The following DLG2 variants were observed in gnomAD, a reference collection of about 807,000 sequenced individuals.
DLG2 encodes the protein discs large MAGUK scaffold protein 2, also known as disks large homolog 2.
Under a neutral mutation model 132.5 loss-of-function variants are expected in DLG2, and 45 were observed. That is an observed-to-expected ratio of 0.34 (90% CI 0.27 to 0.44). DLG2 has a LOEUF of 0.44. Ranked by LOEUF, DLG2 falls within the 20% of genes least tolerant of loss-of-function variation. DLG2 has a pLI of 1.00. For synonymous variants in DLG2, 424 were observed against 419.6 expected (o/e 1.01, Z -0.13); for missense variants, 1,045 against 1,196.9 (o/e 0.87, Z 1.87).
intron 3 of DLG2, among the ~76,000 whole-genome samples, chr11:85,479,432 A>G (rs1191628165): frequency 6.6e-6 from 1 of 152,252 alleles, no homozygotes; most frequent in Non-Finnish European, 1.5e-5. Flanking sequence ...AGGCCTCCAA[A>G]TACCGTCATA....
At chr11:84,652,814 A>G (rs1389703162) in intron 6 of DLG2, among the ~76,000 whole-genome samples, 1 of 152,206 alleles carries the variant, frequency 6.6e-6, no homozygotes, top group East Asian at 1.9e-4. Flanking sequence ...TACCCAATGC[A>G]CAGAGTTAGC....
At chr11:85,610,049 A>T (rs1424855927) in intron 2 of DLG2, among the ~76,000 whole-genome samples, 2 of 152,188 alleles carry the variant, frequency 1.3e-5, no homozygotes, top group Non-Finnish European at 2.9e-5. Flanking sequence ...CCCCTACTTG[A>T]GAAGGGAATC....
At chr11:83,923,855 TG>T (rs1361298863) in intron 15 of DLG2, among the ~76,000 whole-genome samples, 1 of 152,084 alleles carries the variant, frequency 6.6e-6, no homozygotes, top group Non-Finnish European at 1.5e-5. Context: ...CAAAGCAGCT[TG>T]TGTCTTTGCT....
At chr11:84,454,212 G>A (rs913054526) in intron 7 of DLG2, among the ~76,000 whole-genome samples, 4 of 151,390 alleles carry the variant, frequency 2.6e-5, no homozygotes, top group Non-Finnish European at 5.9e-5. Flanking sequence ...AATCTCCAGA[G>A]GAAGATGATA....
chr11:83,601,823 G>A (rs750482598), intron 19 of DLG2, among the ~76,000 whole-genome samples: 5 of 151,942 alleles, frequency 3.3e-5, no homozygotes, highest in African/African-American at 7.2e-5. Context: ...GGGCTCAGCC[G>A]TCAATGAAGT....
chr11:84,128,009 A>T (rs538188126), intron 9 of DLG2, among the ~76,000 whole-genome samples: 14 of 152,288 alleles, frequency 9.2e-5, no homozygotes, highest in African/African-American at 3.1e-4. Context: ...TTGCTTATTT[A>T]TATTATAGAT....
At chr11:85,004,808 T>G (rs1319262086) in intron 6 of DLG2, among the ~76,000 whole-genome samples, 1 of 152,242 alleles carries the variant, frequency 6.6e-6, no homozygotes, top group Non-Finnish European at 1.5e-5. Flanking sequence ...CCCATGCCTA[T>G]GTCCTGAATG....
At chr11:85,304,311 C>A (rs895001042) in intron 3 of DLG2, among the ~76,000 whole-genome samples, 1 of 152,004 alleles carries the variant, frequency 6.6e-6, no homozygotes, top group Non-Finnish European at 1.5e-5. Context: ...TTGCAAGGAG[C>A]CTGCAGTTTC....
intron 16 of DLG2, among the ~76,000 whole-genome samples, chr11:83,860,296 T>C (rs989304780): frequency 6.6e-6 from 1 of 152,058 alleles, no homozygotes; most frequent in Admixed American, 6.5e-5. Flanking sequence ...TACCAGCCCA[T>C]GAAAGCAGCT....
intron 3 of DLG2, among the ~76,000 whole-genome samples, chr11:85,443,278 C>T (rs533562878): frequency 6.0e-4 from 91 of 152,274 alleles, no homozygotes; most frequent in Non-Finnish European, 1.1e-3. Context: ...TGTTCATTCA[C>T]AATTTATCAC....
chr11:84,694,951 T>C (rs1056258506), intron 6 of DLG2, among the ~76,000 whole-genome samples: 5 of 151,608 alleles, frequency 3.3e-5, no homozygotes, highest in South Asian at 2.1e-4. Context: ...ACAGTTAACA[T>C]GTAAAAAGTG....
chr11:85,178,764 C>T (rs1383125006), intron 4 of DLG2, among the ~76,000 whole-genome samples: 2 of 151,766 alleles, frequency 1.3e-5, no homozygotes, highest in Admixed American at 1.3e-4. Context: ...ATAGACTAAA[C>T]ATATGCAGAA....
intron 7 of DLG2, among the ~76,000 whole-genome samples, chr11:84,456,186 T>G (rs2099064900): frequency 6.6e-6 from 1 of 151,260 alleles, no homozygotes; most frequent in African/African-American, 2.4e-5. Context: ...AAATTTTTAA[T>G]AAATGTATTT....
intron 6 of DLG2, among the ~76,000 whole-genome samples, chr11:84,700,723 GC>G (rs2059131892): frequency 6.6e-6 from 1 of 151,562 alleles, no homozygotes; most frequent in South Asian, 2.1e-4. Flanking sequence ...TGGATTTCAA[GC>G]TTGGTCTGTC....
chr11:85,370,017 A>T (rs1260896828), intron 3 of DLG2, among the ~76,000 whole-genome samples: 1 of 152,260 alleles, frequency 6.6e-6, no homozygotes, highest in Non-Finnish European at 1.5e-5. Context: ...TGCAGGTCAG[A>T]TGCAAGGTTT....
chr11:84,917,426 A>C (rs1391482502), intron 6 of DLG2, among the ~76,000 whole-genome samples: 1 of 152,246 alleles, frequency 6.6e-6, no homozygotes, highest in Admixed American at 6.5e-5. Context: ...CTATTTAGGT[A>C]GATTGCTAAA....
chr11:83,688,520 C>A (rs2080242048), intron 18 of DLG2, among the ~76,000 whole-genome samples: 1 of 152,086 alleles, frequency 6.6e-6, no homozygotes, highest in Non-Finnish European at 1.5e-5. Flanking sequence ...GATGGACCAG[C>A]CTGGAGAGTG....
At chr11:84,275,643 C>G (rs896183099) in intron 7 of DLG2, among the ~76,000 whole-genome samples, 3 of 152,232 alleles carry the variant, frequency 2.0e-5, no homozygotes, top group Non-Finnish European at 4.4e-5. Flanking sequence ...GCATGAGCCA[C>G]ACACCCAGCC....
chr11:83,844,693 A>C (rs561008295), intron 16 of DLG2, among the ~76,000 whole-genome samples: 33 of 152,288 alleles, frequency 2.2e-4, no homozygotes, highest in African/African-American at 7.9e-4. Context: ...TCGTAGAAGA[A>C]AGATCTTCGC....
Sources: allele counts gnomAD v4.1 joint callset (sites outside exome capture counted in the v4.1 genomes callset), GRCh38; gene constraint gnomAD v4.1.1; transcripts MANE v1.5; gene names NCBI Gene and HGNC (gene_info 2026-07-23, HGNC 2026-07-21).